Variants in SV2C observed in about 807,000 individuals in gnomAD.
The protein encoded by SV2C is solute carrier family 22 member B3.
Under a neutral mutation model 79.7 loss-of-function variants are expected in SV2C, and 49 were observed. That is an observed-to-expected ratio of 0.61 (90% CI 0.49 to 0.78). The LOEUF (loss-of-function observed/expected upper bound fraction) is 0.78. Ranked by LOEUF, SV2C falls within the 30% of genes least tolerant of loss-of-function variation. SV2C has a pLI of 0.00. For missense variants in SV2C, 833 were observed against 912.9 expected (o/e 0.91, Z 1.13); for synonymous variants, 334 against 333.2 (o/e 1.00, Z -0.03).
chr5:75,982,891 C>T, the SV2C span, among the ~76,000 whole-genome samples: 2 of 152,172 alleles, frequency 1.3e-5, no homozygotes, highest in Non-Finnish European at 2.9e-5. Flanking sequence ...CATGTTCTCA[C>T]TTATAAGTGG....
At chr5:75,901,047 G>A in the SV2C span, among the ~76,000 whole-genome samples, 8 of 152,086 alleles carry the variant, frequency 5.3e-5, no homozygotes, top group East Asian at 1.9e-4. Flanking sequence ...CCTGTAGCTC[G>A]GAGTAGTTTG....
chr5:76,004,585 A>T, the SV2C span, among the ~76,000 whole-genome samples: 1 of 152,072 alleles, frequency 6.6e-6, no homozygotes, highest in Admixed American at 6.6e-5. Context: ...TGTACTAATC[A>T]AAAAAGGATC....
the SV2C span, among the ~76,000 whole-genome samples, chr5:75,882,455 C>G: frequency 0.014 from 2,129 of 151,180 alleles, 50 homozygotes; most frequent in African/African-American, 0.047. Flanking sequence ...AATCCTAAGC[C>G]AAAAGAACAA....
the SV2C span, among the ~76,000 whole-genome samples, chr5:76,013,091 C>G: frequency 6.6e-6 from 1 of 152,118 alleles, no homozygotes; most frequent in South Asian, 2.1e-4. Context: ...TATACGGGCT[C>G]TTTTTTTGGT....
intron 12 of SV2C, among the ~76,000 whole-genome samples, chr5:76,351,565 C>T (rs1749642597): frequency 6.6e-6 from 1 of 152,174 alleles, no homozygotes; most frequent in Non-Finnish European, 1.5e-5. Flanking sequence ...AATTGGATGC[C>T]AGGCTGCATC....
chr5:76,145,150 T>C (rs906709724), intron 2 of SV2C, among the ~76,000 whole-genome samples: 1 of 152,206 alleles, frequency 6.6e-6, no homozygotes, highest in African/African-American at 2.4e-5. Flanking sequence ...TTTAGGTACA[T>C]AGCAGAAGAG....
At chr5:75,990,050 T>G in the SV2C span, among the ~76,000 whole-genome samples, 1 of 151,684 alleles carries the variant, frequency 6.6e-6, no homozygotes, top group Admixed American at 6.6e-5. Context: ...GTCAGGTGAA[T>G]AGATTGCAAA....
At chr5:75,966,495 C>T in the SV2C span, among the ~76,000 whole-genome samples, 12 of 152,172 alleles carry the variant, frequency 7.9e-5, no homozygotes, top group East Asian at 3.9e-4. Flanking sequence ...TAGTTGCCCT[C>T]GCTGCTCATC....
intron 4 of SV2C, among the ~76,000 whole-genome samples, chr5:76,218,812 G>T (rs1169121042): frequency 1.7e-3 from 1 of 600 alleles, no homozygotes; most frequent in Non-Finnish European, 3.3e-3. Flanking sequence ...CATACAAAAA[G>T]TGCCTGACAC....
the SV2C span, among the ~76,000 whole-genome samples, chr5:75,991,566 G>GAT: frequency 7.4e-3 from 1,039 of 140,372 alleles, 28 homozygotes; most frequent in African/African-American, 0.023. Flanking sequence ...TTCTTAGCAA[G>GAT]ATATATATAT....
the SV2C span, among the ~76,000 whole-genome samples, chr5:76,015,005 AAT>A: frequency 8.3e-4 from 126 of 152,296 alleles, no homozygotes; most frequent in African/African-American, 2.9e-3. Flanking sequence ...TTGCCCATCC[AAT>A]ATTCCATATG....
chr5:76,072,284 C>A, the SV2C span, among the ~76,000 whole-genome samples: 1 of 152,030 alleles, frequency 6.6e-6, no homozygotes, highest in Admixed American at 6.5e-5. Flanking sequence ...AATGTGTGAA[C>A]AATTATTCAA....
chr5:76,285,482 C>A, intron 5 of SV2C, 187 bp downstream of exon 5: 1 of 753,854 alleles, frequency 1.3e-6, no homozygotes, highest in Non-Finnish European at 2.1e-6. Flanking sequence ...TGCCTCATGG[C>A]TAGAAAGCAC....
chr5:76,203,497 A>G lies in SV2C; in HGVS notation c.762-6239A>G, dbSNP rs564559147. Among the ~76,000 whole-genome samples, 5 of 152,308 alleles carry G rather than the reference A, an allele frequency of 3.3e-5. No individual in the cohort carries two copies. In the South Asian group the frequency reaches 1.0e-3, roughly 32 times the overall value. ...AGATGCTATGGGAAGGCATTCTTCC[A>G]ACTCTATCAATAGCTAATTTTTTTT... On this transcript the variant is annotated intron_variant, in intron 3 of 12. Coordinates refer to ENST00000502798, the MANE Select transcript of SV2C (RefSeq NM_014979.4).
At chr5:76,201,068 G>A (rs1744425841) in intron 3 of SV2C, among the ~76,000 whole-genome samples, 1 of 152,184 alleles carries the variant, frequency 6.6e-6, no homozygotes, top group African/African-American at 2.4e-5. Context: ...ATGTCCAGCT[G>A]ACATATTGTA....
At chr5:76,047,438 T>C in the SV2C span, among the ~76,000 whole-genome samples, 382 of 152,332 alleles carry the variant, frequency 2.5e-3, 2 homozygotes, top group Admixed American at 5.4e-3. Context: ...GTTTGTGTAT[T>C]CTCAGGTTGT....
chr5:75,972,763 G>A, the SV2C span, among the ~76,000 whole-genome samples: 37 of 152,212 alleles, frequency 2.4e-4, no homozygotes, highest in East Asian at 7.7e-4. Context: ...GTGGAAGTCC[G>A]TGTGGCAATT....
At chr5:76,305,934 A>T (rs1395176778) in intron 12 of SV2C, among the ~76,000 whole-genome samples, 2 of 152,188 alleles carry the variant, frequency 1.3e-5, no homozygotes, top group Non-Finnish European at 2.9e-5. Context: ...CCCTCTGGAC[A>T]TATGGTTGGT....
intron 9 of SV2C, 86 bp downstream of exon 9, chr5:76,296,028 GT>G (rs544760172): frequency 8.0e-5 from 105 of 1,312,822 alleles, no homozygotes; most frequent in Admixed American, 1.8e-4. Context: ...AACAGGCATA[GT>G]TTTTTGTTTG....
Sources: allele counts gnomAD v4.1 joint callset (sites outside exome capture counted in the v4.1 genomes callset), GRCh38; gene constraint gnomAD v4.1.1; transcripts MANE v1.5; gene names NCBI Gene and HGNC (gene_info 2026-07-23, HGNC 2026-07-21).